Variants in JARID2 observed in about 807,000 individuals in gnomAD.
JARID2 encodes jumonji and AT-rich interaction domain containing 2, also known as protein Jumonji.
Under a neutral mutation model 125.6 loss-of-function variants are expected in JARID2, and 21 were observed. The ratio of observed to expected loss-of-function variants is 0.17; its 90% CI spans 0.12 to 0.24. JARID2 has a LOEUF of 0.24. Among genes scored for constraint, JARID2 ranks in the 10% least tolerant of loss-of-function variants. The pLI is 1.00. For synonymous variants in JARID2, 736 were observed against 661.6 expected, an observed-to-expected ratio of 1.11 and a Z score of -1.73; for missense variants, 1,303 against 1,639.6, an observed-to-expected ratio of 0.79 and a Z score of 3.55.
intron 2 of JARID2, among the ~76,000 whole-genome samples, chr6:15,379,222 C>T (rs1446687981): frequency 1.3e-5 from 2 of 151,854 alleles, no homozygotes; most frequent in African/African-American, 4.8e-5. Context: ...TGAACAGCCT[C>T]ATGAGTTGTC....
intron 14 of JARID2, 63 bp from the exon 15 acceptor site, chr6:15,512,852 A>C (rs1771344599): frequency 6.6e-7 from 1 of 1,520,002 alleles, no homozygotes; most frequent in Non-Finnish European, 9.0e-7. Context: ...CTCCACCAAG[A>C]AGAACCTTGA....
At chr6:15,509,425 G>C in intron 12 of JARID2, 3 of 886,964 alleles carry the variant, frequency 3.4e-6, no homozygotes, top group Non-Finnish European at 1.4e-6. Context: ...CATTTTGGCT[G>C]TTCTGGTGAG....
intron 1 of JARID2, among the ~76,000 whole-genome samples, chr6:15,372,482 C>T (rs1382638096): frequency 6.6e-6 from 1 of 152,072 alleles, no homozygotes; most frequent in Non-Finnish European, 1.5e-5. Context: ...GCCTCAGCCT[C>T]CCCAGTAGCT....
intron 1 of JARID2, chr6:15,314,800 G>C (rs151013091): frequency 1.3e-5 from 2 of 152,180 alleles, no homozygotes; most frequent in African/African-American, 4.8e-5. Context: ...ATTATAAATT[G>C]CCTTTATTAC....
chr6:15,303,073 A>C (rs1162692012), intron 1 of JARID2, among the ~76,000 whole-genome samples: 1 of 152,224 alleles, frequency 6.6e-6, no homozygotes, highest in African/African-American at 2.4e-5. Flanking sequence ...TAAATGACAC[A>C]GGATTTTGAG....
chr6:15,297,714 C>T (rs1761464916), intron 1 of JARID2, among the ~76,000 whole-genome samples: 1 of 152,128 alleles, frequency 6.6e-6, no homozygotes, highest in African/African-American at 2.4e-5. Flanking sequence ...CTTTCCTTTA[C>T]AGGATCTGTG....
At chr6:15,296,107 T>C (rs1761403199) in intron 1 of JARID2, among the ~76,000 whole-genome samples, 1 of 152,028 alleles carries the variant, frequency 6.6e-6, no homozygotes, top group Admixed American at 6.5e-5. Context: ...ATCTTGCTTC[T>C]TCTCAACCCA....
rs186658701 is a variant in JARID2 at position 15,468,228 on chromosome 6, G to A, written c.494-314G>A. Among the ~76,000 whole-genome samples the A allele has an allele frequency of 5.9e-3, 890 of 149,900 alleles. 3 individuals are homozygous for A. The highest frequency in any genetic ancestry group is 0.011 in the Non-Finnish European group (724 of 67,584). ...AGTAATCTCTCTTCCTCAGCAGTGG[G>A]TAGGTGTTTTTATTTTATTATTTTT... On this transcript the variant is annotated intron_variant, in intron 4 of 17. Transcript: ENST00000341776.
intron 1 of JARID2, among the ~76,000 whole-genome samples, chr6:15,268,454 C>T (rs1475161185): frequency 6.6e-6 from 1 of 151,986 alleles, no homozygotes; most frequent in Admixed American, 6.6e-5. Flanking sequence ...AGTGTTGGGG[C>T]GGCCTGGGGA....
intron 7 of JARID2, among the ~76,000 whole-genome samples, chr6:15,500,024 T>C (rs1770656381): frequency 6.6e-6 from 1 of 152,128 alleles, no homozygotes; most frequent in South Asian, 2.1e-4. Context: ...ATTTAAAACG[T>C]TGTTAATTTG....
chr6:15,512,438 A>C (rs1771324051), intron 14 of JARID2, 48 bp downstream of exon 14: 1 of 1,578,826 alleles, frequency 6.3e-7, no homozygotes, highest in Non-Finnish European at 8.7e-7. Context: ...CATCCCTGTG[A>C]GTGCCGTGCG....
At chr6:15,390,134 G>A (rs2127540174) in intron 2 of JARID2, among the ~76,000 whole-genome samples, 1 of 152,308 alleles carries the variant, frequency 6.6e-6, no homozygotes, top group South Asian at 2.1e-4. Context: ...TCCACAGTAA[G>A]GAGGAGGAAC....
intron 11 of JARID2, 116 bp from the exon 12 acceptor site, chr6:15,508,224 G>T: frequency 1.5e-6 from 1 of 654,002 alleles, no homozygotes. Context: ...GTCTGGCTTT[G>T]AGTCCCATTT....
chr6:15,304,931 T>C (rs1478604399), intron 1 of JARID2, among the ~76,000 whole-genome samples: 1 of 151,908 alleles, frequency 6.6e-6, no homozygotes, highest in Non-Finnish European at 1.5e-5. Flanking sequence ...TTTCGCTCTC[T>C]TTATTGGCCC....
At chr6:15,321,993 A>G (rs923720592) in intron 1 of JARID2, among the ~76,000 whole-genome samples, 1 of 151,914 alleles carries the variant, frequency 6.6e-6, no homozygotes, top group Admixed American at 6.6e-5. Flanking sequence ...GGGTTTCACC[A>G]TGTTGGCCAG....
chr6:15,421,707 T>C (rs1766497195), intron 3 of JARID2, among the ~76,000 whole-genome samples: 1 of 152,238 alleles, frequency 6.6e-6, no homozygotes, highest in African/African-American at 2.4e-5. Context: ...GATTTGGATC[T>C]AAGCTTTCAC....
intron 2 of JARID2, among the ~76,000 whole-genome samples, chr6:15,382,589 T>C (rs970339650): frequency 2.0e-5 from 3 of 152,084 alleles, no homozygotes; most frequent in African/African-American, 4.8e-5. Context: ...GAAGAGTCTT[T>C]TTAGAGGTAT....
chr6:15,517,090 C>T (rs1464282319), intron 16 of JARID2, 71 bp from the exon 17 acceptor site: 5 of 1,181,062 alleles, frequency 4.2e-6, no homozygotes, highest in Non-Finnish European at 6.3e-6. Flanking sequence ...GCCGGGCGTG[C>T]TCCTACCTTA....
intron 4 of JARID2, among the ~76,000 whole-genome samples, chr6:15,453,240 C>T (rs1055770487): frequency 6.6e-6 from 1 of 152,210 alleles, no homozygotes; most frequent in African/African-American, 2.4e-5. Flanking sequence ...GGACCCAGTT[C>T]AGAATTAGGC....
Sources: allele counts gnomAD v4.1 joint callset (sites outside exome capture counted in the v4.1 genomes callset), GRCh38; gene constraint gnomAD v4.1.1; transcripts MANE v1.5; gene names NCBI Gene and HGNC (gene_info 2026-07-23, HGNC 2026-07-21).